Variants in DENND1A observed in about 807,000 individuals in gnomAD.
DENND1A encodes the protein DENN domain-containing protein 1A.
In DENND1A, 51 loss-of-function variants were observed where a neutral mutation model predicts 113.7. The observed-to-expected ratio is 0.45, with a 90% confidence interval of 0.36 to 0.57. DENND1A has a LOEUF of 0.57. DENND1A is among the 20% of genes least tolerant of loss of function. DENND1A has a pLI of 0.00. For missense variants in DENND1A, 1,258 were observed against 1,395.9 expected, an observed-to-expected ratio of 0.90 and a Z score of 1.57; for synonymous variants, 565 against 570.8, an observed-to-expected ratio of 0.99 and a Z score of 0.14.
At chr9:123,402,535 G>C (rs1361455192) in intron 21 of DENND1A, 1 of 534,788 alleles carries the variant, frequency 1.9e-6, no homozygotes, top group South Asian at 1.4e-5. Flanking sequence ...TCCACCCAAA[G>C]GACTTCAGGA....
In DENND1A at chr9:123,494,319, T is replaced by C. The variant is rs147823640; in HGVS notation, c.994-36422A>G. ...CTGAGTTTAACTCCTGGTTTTGCCATTCCCCGGAAGTCTGGAGGTCCTGGG... is the reference window on the plus strand; with the variant it reads ...CTGAGTTTAACTCCTGGTTTTGCCACTCCCCGGAAGTCTGGAGGTCCTGGG... On this transcript the variant is annotated intron_variant, in intron 13 of 23. Transcript: ENST00000394215. 6.1e-3 allele frequency among the ~76,000 whole-genome samples: 926 copies of C among 152,282 alleles called. 10 individuals carry two copies. The highest frequency in any genetic ancestry group is 0.021 in the African/African-American group (860 of 41,534).
chr9:123,833,047 C>A (rs1279714273), intron 2 of DENND1A, among the ~76,000 whole-genome samples: 2 of 147,146 alleles, frequency 1.4e-5, no homozygotes, highest in Admixed American at 1.4e-4. Flanking sequence ...GTCCTCTGAG[C>A]CCAGGAGTTT....
intron 1 of DENND1A, among the ~76,000 whole-genome samples, chr9:123,893,975 C>T (rs951850350): frequency 2.0e-5 from 3 of 152,156 alleles, no homozygotes; most frequent in Non-Finnish European, 2.9e-5. Context: ...TCTCTCACCC[C>T]CTTACAAAGC....
At chr9:123,718,874 C>T (rs1293150084) in intron 5 of DENND1A, among the ~76,000 whole-genome samples, 1 of 152,212 alleles carries the variant, frequency 6.6e-6, no homozygotes, top group Non-Finnish European at 1.5e-5. Flanking sequence ...ACCCAAATCT[C>T]ATTTTGAAAT....
intron 5 of DENND1A, among the ~76,000 whole-genome samples, chr9:123,687,138 G>C (rs537150005): frequency 6.6e-6 from 1 of 152,050 alleles, no homozygotes; most frequent in Non-Finnish European, 1.5e-5. Flanking sequence ...AAGGAGAGAC[G>C]GGCACACAGA....
chr9:123,404,062 G>A (rs1336430243), intron 20 of DENND1A, among the ~76,000 whole-genome samples: 1 of 152,120 alleles, frequency 6.6e-6, no homozygotes, highest in Non-Finnish European at 1.5e-5. Flanking sequence ...CTCCCAGCAG[G>A]GTTCAGCCTG....
chr9:123,869,350 T>G (rs567811225), intron 2 of DENND1A, among the ~76,000 whole-genome samples: 1 of 152,246 alleles, frequency 6.6e-6, no homozygotes, highest in Non-Finnish European at 1.5e-5. Flanking sequence ...TAGAATAATA[T>G]TTCTTACTTC....
chr9:123,476,252 A>G (rs927079972), intron 13 of DENND1A, among the ~76,000 whole-genome samples: 1 of 152,060 alleles, frequency 6.6e-6, no homozygotes, highest in Non-Finnish European at 1.5e-5. Context: ...ATTGAGATAC[A>G]GGGATTTCCG....
chr9:123,569,879 G>C (rs913367529), intron 12 of DENND1A, among the ~76,000 whole-genome samples: 13 of 152,154 alleles, frequency 8.5e-5, no homozygotes, highest in Admixed American at 7.9e-4. Context: ...CTGGTAGCAT[G>C]AATTTTATCA....
At chr9:123,547,504 G>C (rs1056626142) in intron 13 of DENND1A, among the ~76,000 whole-genome samples, 1 of 152,172 alleles carries the variant, frequency 6.6e-6, no homozygotes, top group African/African-American at 2.4e-5. Flanking sequence ...ACTCCAGCCT[G>C]GGCAACAAGA....
intron 2 of DENND1A, among the ~76,000 whole-genome samples, chr9:123,846,882 C>A (rs1842696135): frequency 6.6e-6 from 1 of 152,122 alleles, no homozygotes; most frequent in African/African-American, 2.4e-5. Context: ...TATTACTCCA[C>A]AATTTAAATA....
chr9:123,430,384 C>T (rs2046046453), intron 19 of DENND1A, among the ~76,000 whole-genome samples: 1 of 152,172 alleles, frequency 6.6e-6, no homozygotes, highest in African/African-American at 2.4e-5. Context: ...GATACATGCA[C>T]ATGTCACTGT....
chr9:123,680,951 T>G (rs1449765169), intron 5 of DENND1A, among the ~76,000 whole-genome samples: 1 of 151,888 alleles, frequency 6.6e-6, no homozygotes, highest in Non-Finnish European at 1.5e-5. Flanking sequence ...CAGACTCAGG[T>G]GAGGGGAGGA....
In DENND1A at chr9:123,527,234, A is replaced by G. The variant is rs546244517; in HGVS notation, c.993+30336T>C. 2.6e-5 allele frequency among the ~76,000 whole-genome samples: 4 copies of G among 152,286 alleles called. No homozygotes were observed. The East Asian group carries it at 7.7e-4, about 29-fold the overall frequency. ...ATCTTCTTTCTGCTGGATTATGGTG[A>G]CAGCCTCCTTGGCGGCTTCTTTCTC... On this transcript the variant is annotated intron_variant, in intron 13 of 23. Coordinates refer to ENST00000394215, the MANE Select transcript of DENND1A (RefSeq NM_001352964.2).
chr9:123,820,627 T>G (rs908499389), intron 2 of DENND1A, among the ~76,000 whole-genome samples: 1 of 152,228 alleles, frequency 6.6e-6, no homozygotes, highest in East Asian at 1.9e-4. Flanking sequence ...TAAATCATTG[T>G]TGTGTTAAGT....
chr9:123,645,244 G>A (rs2062253485), intron 9 of DENND1A, among the ~76,000 whole-genome samples: 1 of 152,156 alleles, frequency 6.6e-6, no homozygotes, highest in African/African-American at 2.4e-5. Flanking sequence ...CAGCACTCGA[G>A]TGCTAGACAG....
intron 2 of DENND1A, among the ~76,000 whole-genome samples, chr9:123,809,687 T>C (rs1836208926): frequency 1.3e-5 from 2 of 152,354 alleles, no homozygotes; most frequent in South Asian, 2.1e-4. Flanking sequence ...AATGTCATTC[T>C]ATTTATGCCT....
At chr9:123,399,255 G>A (rs1406863055) in intron 21 of DENND1A, among the ~76,000 whole-genome samples, 3 of 152,170 alleles carry the variant, frequency 2.0e-5, no homozygotes, top group East Asian at 1.9e-4. Context: ...TCAGACAGCC[G>A]ATCCTACCAT....
intron 1 of DENND1A, among the ~76,000 whole-genome samples, chr9:123,926,266 T>C (rs1267794496): frequency 6.6e-6 from 1 of 152,122 alleles, no homozygotes; most frequent in Non-Finnish European, 1.5e-5. Context: ...TGTTCCTTTA[T>C]TAAAATAAAC....
Sources: gnomAD v4.1 joint callset for allele counts (sites outside exome capture counted in the v4.1 genomes callset) on GRCh38, gnomAD v4.1.1 for gene constraint, MANE v1.5 for transcripts, NCBI Gene and HGNC (gene_info 2026-07-23, HGNC 2026-07-21) for gene names.